The following SUGCT variants were observed in gnomAD, a reference collection of about 807,000 sequenced individuals.
SUGCT encodes succinyl-CoA:glutarate CoA-transferase.
SUGCT carries 41 observed loss-of-function variants against 55.0 expected under a neutral mutation model. The ratio of observed to expected loss-of-function variants is 0.74; its 90% CI spans 0.58 to 0.97. The LOEUF (loss-of-function observed/expected upper bound fraction) is 0.97, where lower values mean the gene tolerates loss of function less well. Among genes scored for constraint, SUGCT ranks in the 50% least tolerant of loss-of-function variants. SUGCT has a pLI of 0.00. For missense variants in SUGCT, 568 were observed against 547.8 expected, an observed-to-expected ratio of 1.04 and a Z score of -0.37; for synonymous variants, 187 against 200.4, an observed-to-expected ratio of 0.93 and a Z score of 0.56.
the SUGCT span, among the ~76,000 whole-genome samples, chr7:40,947,158 C>T: frequency 6.6e-6 from 1 of 152,128 alleles, no homozygotes; most frequent in Non-Finnish European, 1.5e-5. Flanking sequence ...GTTTTTCAGA[C>T]TAGATTATCT....
intron 12 of SUGCT, among the ~76,000 whole-genome samples, chr7:40,703,564 G>C (rs1785264567): frequency 6.6e-6 from 1 of 152,076 alleles, no homozygotes; most frequent in South Asian, 2.1e-4. Flanking sequence ...TCACAGTGTG[G>C]GAAAAGAGAT....
intron 6 of SUGCT, among the ~76,000 whole-genome samples, chr7:40,215,556 T>G (rs1250989603): frequency 2.0e-5 from 3 of 152,182 alleles, no homozygotes; most frequent in Non-Finnish European, 4.4e-5. Flanking sequence ...ACAATTAATG[T>G]TAAGAGCTTA....
the SUGCT span, among the ~76,000 whole-genome samples, chr7:40,949,742 T>C: frequency 6.6e-6 from 1 of 152,186 alleles, no homozygotes. Flanking sequence ...TTTTGTCAGG[T>C]TTGTCAAAGA....
intron 9 of SUGCT, among the ~76,000 whole-genome samples, chr7:40,329,624 C>T (rs987650595): frequency 3.3e-5 from 5 of 152,166 alleles, no homozygotes; most frequent in Non-Finnish European, 4.4e-5. Flanking sequence ...GCAGCATTGG[C>T]ATCACCTGGA....
At chr7:41,018,685 C>T in the SUGCT span, among the ~76,000 whole-genome samples, 1 of 152,154 alleles carries the variant, frequency 6.6e-6, no homozygotes, top group African/African-American at 2.4e-5. Context: ...TCTATTCTCT[C>T]CCTACCTAAA....
At chr7:40,890,537 C>T in the SUGCT span, among the ~76,000 whole-genome samples, 1 of 151,806 alleles carries the variant, frequency 6.6e-6, no homozygotes, top group Non-Finnish European at 1.5e-5. Flanking sequence ...TAGTACCAGG[C>T]CAGCCCCTTT....
At chr7:40,159,924 C>T (rs1784066599) in intron 1 of SUGCT, among the ~76,000 whole-genome samples, 1 of 152,132 alleles carries the variant, frequency 6.6e-6, no homozygotes, top group African/African-American at 2.4e-5. Context: ...ATGGGTTTCC[C>T]TGGGCAGAAA....
At chr7:40,333,668 AATATATATATATATATATATATAT>A (rs550516908) in intron 9 of SUGCT, among the ~76,000 whole-genome samples, 1 of 34,312 alleles carries the variant, frequency 2.9e-5, no homozygotes, top group Admixed American at 5.9e-4. Context: ...AAAAAAAAAA[AATATATATATATATATATATATAT>A]ATATATATAT....
At chr7:40,311,373 A>G (rs1388040640) in intron 8 of SUGCT, among the ~76,000 whole-genome samples, 1 of 152,142 alleles carries the variant, frequency 6.6e-6, no homozygotes, top group Non-Finnish European at 1.5e-5. Context: ...ATAATTACAA[A>G]TGTGGGGGAT....
chr7:40,286,193 T>C (rs1793326597), intron 8 of SUGCT, among the ~76,000 whole-genome samples: 1 of 152,136 alleles, frequency 6.6e-6, no homozygotes, highest in Non-Finnish European at 1.5e-5. Flanking sequence ...TAGTTGGAGA[T>C]ATAGACAACA....
At chr7:40,932,085 G>A in the SUGCT span, among the ~76,000 whole-genome samples, 5 of 151,994 alleles carry the variant, frequency 3.3e-5, no homozygotes, top group African/African-American at 4.8e-5. Flanking sequence ...CCCTCTACAC[G>A]CTGCTTTAAA....
downstream of SUGCT, among the ~76,000 whole-genome samples, chr7:40,865,337 T>C (rs1794560877): frequency 6.6e-6 from 1 of 152,170 alleles, no homozygotes; most frequent in Non-Finnish European, 1.5e-5. Context: ...TCACTATGAC[T>C]TCACCCCCAC....
At chr7:40,896,074 G>A in the SUGCT span, among the ~76,000 whole-genome samples, 1 of 152,054 alleles carries the variant, frequency 6.6e-6, no homozygotes, top group African/African-American at 2.4e-5. Flanking sequence ...CAAGTGACAT[G>A]ATTTATATAC....
intron 8 of SUGCT, among the ~76,000 whole-genome samples, chr7:40,300,223 TGAG>T (rs1478661563): frequency 6.6e-6 from 1 of 152,154 alleles, no homozygotes; most frequent in South Asian, 2.1e-4. Flanking sequence ...GACAAGGCTG[TGAG>T]GAGGTTAGTG....
chr7:40,253,717 C>T (rs12111588), intron 7 of SUGCT, among the ~76,000 whole-genome samples: 9,987 of 152,204 alleles, frequency 0.066, 664 homozygotes, highest in African/African-American at 0.17. Flanking sequence ...CAGAGGGTTT[C>T]GCCATGTTGG....
chr7:40,396,201 A>T (rs930975970), intron 9 of SUGCT, among the ~76,000 whole-genome samples: 1 of 152,200 alleles, frequency 6.6e-6, no homozygotes, highest in Non-Finnish European at 1.5e-5. Flanking sequence ...GATAAATTGG[A>T]AGAAAGTGGA....
chr7:40,832,060 AAGTG>A (rs905679036), intron 13 of SUGCT, among the ~76,000 whole-genome samples: 4 of 152,170 alleles, frequency 2.6e-5, no homozygotes, highest in African/African-American at 9.7e-5. Context: ...GAATGAAAGA[AAGTG>A]AGCAGTATGG....
intron 8 of SUGCT, among the ~76,000 whole-genome samples, chr7:40,309,744 A>G (rs1438455235): frequency 1.3e-5 from 2 of 152,052 alleles, no homozygotes; most frequent in African/African-American, 4.8e-5. Flanking sequence ...ATAGCATCTT[A>G]TATTGTCACA....
intron 1 of SUGCT, chr7:40,153,601 G>A (rs1788695900): frequency 2.5e-5 from 13 of 515,888 alleles, no homozygotes; most frequent in South Asian, 1.7e-4. Context: ...CTCAGCCTCT[G>A]TGGTCTGCTA....
Sources: allele counts gnomAD v4.1 joint callset (sites outside exome capture counted in the v4.1 genomes callset), GRCh38; gene constraint gnomAD v4.1.1; transcripts MANE v1.5; gene names NCBI Gene and HGNC (gene_info 2026-07-23, HGNC 2026-07-21).